The following CTNNA3 variants were observed in gnomAD, a reference collection of about 807,000 sequenced individuals.
CTNNA3 encodes the protein catenin alpha-3.
In CTNNA3, 76 loss-of-function variants were observed where a neutral mutation model predicts 95.7. That is an observed-to-expected ratio of 0.79 (90% CI 0.66 to 0.96). The LOEUF is 0.96. Ranked by LOEUF, CTNNA3 falls within the 40% of genes least tolerant of loss-of-function variation. The pLI is 0.00. For missense variants in CTNNA3, 1,191 were observed against 1,089.8 expected, an observed-to-expected ratio of 1.09 and a Z score of -1.31; for synonymous variants, 431 against 374.4, an observed-to-expected ratio of 1.15 and a Z score of -1.74.
chr10:67,485,903 T>A lies in CTNNA3; in HGVS notation c.579+35939A>T, dbSNP rs1339116691. Among the ~76,000 whole-genome samples, 16 of 152,350 alleles carry A rather than the reference T, an allele frequency of 1.1e-4. No individual in the cohort carries two copies. The East Asian group carries it at 3.1e-3, about 29-fold the overall frequency. On this transcript the variant is annotated intron_variant, in intron 5 of 17. Coordinates refer to ENST00000433211, the MANE Select transcript of CTNNA3 (RefSeq NM_013266.4). ...GATCATCTGATAGGAAACACTTCTT[T>A]GTTGGTTTTCTTTTGTTTCAGTGAA...
chr10:67,488,672 CTTTT>C (rs565227051), intron 5 of CTNNA3, among the ~76,000 whole-genome samples: 3 of 130,770 alleles, frequency 2.3e-5, no homozygotes, highest in Non-Finnish European at 4.8e-5. Flanking sequence ...TGCCCGGCCT[CTTTT>C]TTTTTTTTTT....
chr10:66,494,738 A>G (rs1041919971), intron 11 of CTNNA3, among the ~76,000 whole-genome samples: 4 of 152,196 alleles, frequency 2.6e-5, no homozygotes, highest in African/African-American at 9.6e-5. Context: ...ATTTTTAAAT[A>G]ATTTTGATTT....
intron 12 of CTNNA3, among the ~76,000 whole-genome samples, chr10:66,378,074 A>G (rs2092808820): frequency 6.6e-6 from 1 of 152,122 alleles, no homozygotes; most frequent in Non-Finnish European, 1.5e-5. Flanking sequence ...ACTGATCATC[A>G]ATTCCCTGCA....
chr10:67,444,052 T>C (rs1303768245), intron 5 of CTNNA3, among the ~76,000 whole-genome samples: 3 of 152,146 alleles, frequency 2.0e-5, no homozygotes, highest in African/African-American at 7.2e-5. Flanking sequence ...CAAATGGACT[T>C]AATAGAAATT....
intron 5 of CTNNA3, among the ~76,000 whole-genome samples, chr10:67,450,497 G>A (rs1458522135): frequency 1.3e-5 from 2 of 152,144 alleles, no homozygotes; most frequent in Non-Finnish European, 2.9e-5. Context: ...AGATTGAGCT[G>A]GAGGCCATTA....
At chr10:66,260,846 A>T (rs1159116155) in intron 13 of CTNNA3, among the ~76,000 whole-genome samples, 1 of 152,094 alleles carries the variant, frequency 6.6e-6, no homozygotes, top group Non-Finnish European at 1.5e-5. Flanking sequence ...CCATATTCAG[A>T]AACTCTAGAT....
At chr10:66,502,973 C>T (rs1297802798) in intron 11 of CTNNA3, among the ~76,000 whole-genome samples, 1 of 152,152 alleles carries the variant, frequency 6.6e-6, no homozygotes, top group East Asian at 1.9e-4. Context: ...ATCTGATAGT[C>T]ATGCACCCTA....
intron 15 of CTNNA3, among the ~76,000 whole-genome samples, chr10:66,062,721 C>A (rs1189640531): frequency 6.6e-6 from 1 of 152,112 alleles, no homozygotes; most frequent in Non-Finnish European, 1.5e-5. Context: ...TTTTACTACC[C>A]TTCCTTTATT....
At chr10:66,110,637 T>G (rs567640192) in intron 13 of CTNNA3, among the ~76,000 whole-genome samples, 3 of 152,360 alleles carry the variant, frequency 2.0e-5, no homozygotes, top group African/African-American at 7.2e-5. Context: ...ATCTTGTTTT[T>G]ATCTTTTATT....
At chr10:67,408,907 A>T (rs1336092720) in intron 5 of CTNNA3, among the ~76,000 whole-genome samples, 1 of 146,160 alleles carries the variant, frequency 6.8e-6, no homozygotes, top group African/African-American at 2.5e-5. Context: ...AAAAGCCATT[A>T]TAAAGTAGGC....
At chr10:66,150,584 C>G (rs1233356987) in intron 13 of CTNNA3, among the ~76,000 whole-genome samples, 1 of 151,764 alleles carries the variant, frequency 6.6e-6, no homozygotes, top group Non-Finnish European at 1.5e-5. Context: ...GTGTAATGAT[C>G]AAATCAGGGT....
chr10:66,706,780 A>G (rs1463160103), intron 9 of CTNNA3, among the ~76,000 whole-genome samples: 2 of 152,036 alleles, frequency 1.3e-5, no homozygotes, highest in African/African-American at 4.8e-5. Context: ...GGGGGTCACA[A>G]CAGCTTAAAT....
intron 9 of CTNNA3, among the ~76,000 whole-genome samples, chr10:66,726,666 G>A (rs1422618443): frequency 6.6e-6 from 1 of 152,102 alleles, no homozygotes; most frequent in African/African-American, 2.4e-5. Context: ...TGGAATACAT[G>A]AGGGCTGACT....
chr10:67,036,065 C>T (rs1854031992), intron 7 of CTNNA3, among the ~76,000 whole-genome samples: 1 of 152,184 alleles, frequency 6.6e-6, no homozygotes. Context: ...CCTCTTTAGG[C>T]ATGACCTTAT....
chr10:67,267,679 T>C (rs1866884705), intron 5 of CTNNA3, among the ~76,000 whole-genome samples: 1 of 152,124 alleles, frequency 6.6e-6, no homozygotes, highest in East Asian at 1.9e-4. Flanking sequence ...CCTTGAAACA[T>C]CAAGAAAAAC....
chr10:66,055,072 T>C (rs2080049081), intron 15 of CTNNA3, among the ~76,000 whole-genome samples: 2 of 152,136 alleles, frequency 1.3e-5, no homozygotes, highest in Admixed American at 1.3e-4. Flanking sequence ...TTCTTTTCCA[T>C]TGGTCTGTGT....
intron 13 of CTNNA3, among the ~76,000 whole-genome samples, chr10:66,237,253 A>G (rs1321841276): frequency 6.6e-6 from 1 of 152,154 alleles, no homozygotes; most frequent in East Asian, 1.9e-4. Flanking sequence ...CTTCCTCTCT[A>G]CCCACCAATA....
intron 5 of CTNNA3, among the ~76,000 whole-genome samples, chr10:67,398,498 C>T (rs566138295): frequency 1.4e-4 from 22 of 152,162 alleles, no homozygotes; most frequent in Admixed American, 2.6e-4. Context: ...GTGGAAGGGA[C>T]TTGCCTTATC....
intron 5 of CTNNA3, among the ~76,000 whole-genome samples, chr10:67,493,603 AT>A (rs1262365583): frequency 4.6e-4 from 69 of 151,638 alleles, no homozygotes; most frequent in East Asian, 3.3e-3. Flanking sequence ...CTTAACATGT[AT>A]TTTTTAAGGT....
Sources: gnomAD v4.1 joint callset for allele counts (sites outside exome capture counted in the v4.1 genomes callset) on GRCh38, gnomAD v4.1.1 for gene constraint, MANE v1.5 for transcripts, NCBI Gene and HGNC (gene_info 2026-07-23, HGNC 2026-07-21) for gene names.